PPP1R13L: variants seen among roughly 807,000 people sequenced by gnomAD.
PPP1R13L encodes protein phosphatase 1 regulatory subunit 13 like.
In PPP1R13L, 50 loss-of-function variants were observed where a neutral mutation model predicts 80.9. The observed-to-expected ratio is 0.62, with a 90% confidence interval of 0.49 to 0.78. The LOEUF is 0.78. Ranked by LOEUF, PPP1R13L falls within the 30% of genes least tolerant of loss-of-function variation. The pLI, the probability that PPP1R13L is intolerant of heterozygous loss-of-function variation, is 0.00. For synonymous variants in PPP1R13L, 602 were observed against 534.3 expected, an observed-to-expected ratio of 1.13 and a Z score of -1.75; for missense variants, 1,200 against 1,205.9, an observed-to-expected ratio of 1.00 and a Z score of 0.07.
At position 45,395,164 on chromosome 19, in the gene PPP1R13L, T is replaced by G. The variant is rs560450290; in HGVS notation, c.1354+272A>C. Reference sequence around the variant, plus strand: ...CCGGCCCATTATTTCCCTTTTACACTCAAGAAAATTGAGGCCCAGTGAGGT... The same window carrying G: ...CCGGCCCATTATTTCCCTTTTACACGCAAGAAAATTGAGGCCCAGTGAGGT... On this transcript the variant is annotated intron_variant, in intron 7 of 12. Transcript: ENST00000360957. 1.4e-3 allele frequency: 664 copies of G among 473,720 alleles called. 5 individuals carry two copies. The highest frequency in any genetic ancestry group is 0.012 in the African/African-American group (593 of 49,780). 29.3% of individuals were successfully genotyped at this position (473,720 alleles called of 1,614,324 possible). A position where few individuals can be genotyped will look rare whatever the true frequency, so the allele number is the denominator to read the frequency against.
Position 45,396,033 on chromosome 19 carries a change from C to A in PPP1R13L, c.903+135G>T. 1 of 1,287,846 alleles carries A rather than the reference C, an allele frequency of 7.8e-7. No individual in the cohort carries two copies. Among genetic ancestry groups the A allele is most frequent in the Admixed American group, 2.2e-5 (1 of 45,640 alleles). The allele number at this position is 1,287,846 out of a possible 1,614,324, so 79.8% of individuals were successfully genotyped here. A position where few individuals can be genotyped will look rare whatever the true frequency, so the allele number is the denominator to read the frequency against. On this transcript the variant is annotated intron_variant, in intron 6 of 12. Transcript: ENST00000360957. This position sits in a 1 kb window ranked among gnomAD's most constrained non-coding sequence, Gnocchi z 5.3. ...GTGAGGAAGGAGCAGAAACCCAGCA[C>A]AGTGAAGGGAGAGCGTGGGAACGGG...
chr19:45,395,926 G>C, intron 6 of PPP1R13L, 40 bp from the exon 7 acceptor site: 1 of 1,511,288 alleles, frequency 6.6e-7, no homozygotes, highest in Non-Finnish European at 9.0e-7. Context: ...GGGTGAGAGA[G>C]GGAAGGTGGA....
In PPP1R13L at chr19:45,388,182, AAAAG is replaced by A. The variant is rs551877688; in HGVS notation, c.1816-2006_1816-2003del. Among the ~76,000 whole-genome samples the A allele has an allele frequency of 1.9e-3, 285 of 150,846 alleles. 2 individuals are homozygous for A. Among genetic ancestry groups the A allele is most frequent in the African/African-American group, 5.8e-3 (240 of 41,134 alleles). On this transcript the variant is annotated intron_variant, in intron 8 of 12. Transcript: ENST00000360957. ...GACTCCATCTCAAAAAAGGAAAAAA[AAAAG>A]AAAGACTAGAAGGAAATATTCAAAA...
intron 12 of PPP1R13L, among the ~76,000 whole-genome samples, chr19:45,382,239 T>A (rs1156884189): frequency 6.6e-6 from 1 of 151,104 alleles, no homozygotes; most frequent in Non-Finnish European, 1.5e-5. Context: ...GTTTCAGAAA[T>A]AAATAAATAA....
intron 1 of PPP1R13L, among the ~76,000 whole-genome samples, chr19:45,404,263 T>C (rs959457): frequency 0.21 from 32,638 of 151,956 alleles, 3,798 homozygotes; most frequent in East Asian, 0.44. Context: ...TAGAACTACC[T>C]CTGCAAACCC....
intron 8 of PPP1R13L, among the ~76,000 whole-genome samples, chr19:45,390,806 G>C (rs1972956846): frequency 6.6e-6 from 1 of 151,978 alleles, no homozygotes; most frequent in African/African-American, 2.4e-5. Flanking sequence ...GGCTGGACTT[G>C]AACCTCTGAC....
At chr19:45,405,421 G>A (rs1973318062), upstream of PPP1R13L, among the ~76,000 whole-genome samples, 1 of 152,106 alleles carries the variant, frequency 6.6e-6, no homozygotes, top group South Asian at 2.1e-4. Flanking sequence ...GAATCTCCCC[G>A]TCGATAAAAA....
chr19:45,392,979 A>G (rs1973007230), intron 7 of PPP1R13L: 2 of 150,096 alleles, frequency 1.3e-5, no homozygotes, highest in African/African-American at 5.0e-5. Flanking sequence ...CAGCCTGGCC[A>G]ACATGGTAAA....
chr19:45,385,968 C>T lies in PPP1R13L; in HGVS notation c.1948-11G>A, dbSNP rs749722580. ...GCTCGGGTCGTTCATCTGAGTGCAC[C>T]GGGGGAGGGGGAAGACTCAGTCCCG... On this transcript the variant is annotated splice_polypyrimidine_tract_variant and intron_variant, in intron 9 of 12. Coordinates refer to ENST00000360957, the MANE Select transcript of PPP1R13L (RefSeq NM_006663.4). 3 of 1,603,316 alleles carry T rather than the reference C, an allele frequency of 1.9e-6. No homozygotes were observed. Among genetic ancestry groups the T allele is most frequent in the African/African-American group, 1.3e-5 (1 of 74,396 alleles).
intron 7 of PPP1R13L, chr19:45,395,017 T>C (rs1022684410): frequency 4.9e-5 from 8 of 162,718 alleles, no homozygotes; most frequent in Non-Finnish European, 1.1e-4. Context: ...GCCTGGCTAA[T>C]TTTTGTATTT....
At chr19:45,384,084 CT>C (rs1180833642) in intron 11 of PPP1R13L, among the ~76,000 whole-genome samples, 40 of 145,136 alleles carry the variant, frequency 2.8e-4, no homozygotes, top group Middle Eastern at 3.6e-3. Flanking sequence ...CTTTTCTTTT[CT>C]TTTTTTTTTT....
At chr19:45,397,979 G>GA (rs767414375) in intron 3 of PPP1R13L, 26 bp downstream of exon 3, 1 of 1,593,406 alleles carries the variant, frequency 6.3e-7, no homozygotes, top group South Asian at 1.1e-5. Context: ...GCTGGCTTTG[G>GA]AGATCAAGGT....
chr19:45,385,586 C>T lies in PPP1R13L; in HGVS notation c.2224G>A (p.Ala742Thr). ...EKCDPYREGY[A>T]DCATYLADVE... ...CCTGCCAGGTAGGTGGCGCAGTCAG[C>T]ATAACCCTCGCGGTAAGGGTCGCAC... The change falls in exon 11 of 13, where the codon GCT (alanine) becomes ACT (threonine). Residue 742 changes from alanine to threonine, a missense_variant. Physicochemically the swap from Ala to Thr is moderately conservative, Grantham distance 58 (BLOSUM62 0). Around this residue, in one of 5 missense-constraint regions of PPP1R13L, gnomAD observed 165 missense variants for 177.1 expected, o/e 0.93. Coordinates refer to ENST00000360957, the MANE Select transcript of PPP1R13L (RefSeq NM_006663.4). 1 of 1,612,908 alleles carries T rather than the reference C, an allele frequency of 6.2e-7. No individual in the cohort carries two copies. Among genetic ancestry groups the T allele is most frequent in the Non-Finnish European group, 8.5e-7 (1 of 1,179,744 alleles).
At chr19:45,380,297 C>A (rs1179280099) in intron 12 of PPP1R13L, 69 bp from the exon 13 acceptor site, 82 of 1,567,978 alleles carry the variant, frequency 5.2e-5, no homozygotes, top group Non-Finnish European at 6.8e-5. Context: ...AATCCGCTGC[C>A]TGTCTCTATC....
intron 1 of PPP1R13L, among the ~76,000 whole-genome samples, chr19:45,399,981 T>C (rs2123398530): frequency 6.6e-6 from 1 of 151,798 alleles, no homozygotes; most frequent in East Asian, 1.9e-4. Flanking sequence ...GGCCACTCCC[T>C]TCTAGAGTGG....
rs1973158339 is a variant in PPP1R13L, at chr19:45,398,331, A to C, written c.-13T>G. 1 of 1,613,076 alleles carries C rather than the reference A, an allele frequency of 6.2e-7. No homozygotes were observed. On this transcript the variant is annotated 5_prime_UTR_variant, in exon 2 of 13. Transcript: ENST00000360957. ...CCTCGCTGTCCATGGTGCCGGCCGGAGCGGGCGCCTGCATGGTGGGGAGGG... is the reference window on the plus strand; with the variant it reads ...CCTCGCTGTCCATGGTGCCGGCCGGCGCGGGCGCCTGCATGGTGGGGAGGG...
intron 1 of PPP1R13L, among the ~76,000 whole-genome samples, chr19:45,398,588 T>C (rs943550654): frequency 3.4e-5 from 5 of 148,732 alleles, no homozygotes; most frequent in African/African-American, 1.2e-4. Flanking sequence ...TTCTTTTCTT[T>C]TTTTTTTTTT....
chr19:45,391,212 A>G (rs1332127311), intron 8 of PPP1R13L, among the ~76,000 whole-genome samples: 1 of 143,318 alleles, frequency 7.0e-6, no homozygotes, highest in African/African-American at 2.6e-5. Flanking sequence ...AAAAAAAAAA[A>G]TAGAGGAGAG....
rs769491023 is a variant in PPP1R13L, at chr19:45,392,126, G to C, written c.1569C>G (p.Arg523=). 1.3e-6 allele frequency: 2 copies of C among 1,569,342 alleles called. No homozygotes were observed. Among genetic ancestry groups the C allele is most frequent in the Non-Finnish European group, 1.7e-6 (2 of 1,155,800 alleles). ...CAGGGGCCTGCTCCATGGAGCCCCT[G>C]CGTTTGAGGGGCCGGGGAATTTCCG... ...VLAEIPRPLK[R]RGSMEQAPAV... The change falls in exon 8 of 13, where the codon CGC becomes CGG. Residue 523 remains arginine (R), a synonymous_variant. Coordinates refer to ENST00000360957, the MANE Select transcript of PPP1R13L (RefSeq NM_006663.4).
Sources: allele counts gnomAD v4.1 joint callset (sites outside exome capture counted in the v4.1 genomes callset), GRCh38; gene constraint gnomAD v4.1.1; regional missense constraint gnomAD v4.1.1; non-coding constraint Gnocchi (gnomAD v3.1); transcripts MANE v1.5; gene names NCBI Gene and HGNC (gene_info 2026-07-23, HGNC 2026-07-21).